GRID1: variants seen among roughly 807,000 people sequenced by gnomAD.
GRID1 encodes the protein glutamate receptor ionotropic, delta-1.
Under a neutral mutation model 98.0 loss-of-function variants are expected in GRID1, and 28 were observed. The observed-to-expected ratio is 0.29, with a 90% CI of 0.21 to 0.39. The LOEUF is 0.39. GRID1 is among the 10% of genes least tolerant of loss of function. GRID1 has a pLI of 1.00. For missense variants in GRID1, 1,111 were observed against 1,340.5 expected, an observed-to-expected ratio of 0.83 and a Z score of 2.67; for synonymous variants, 553 against 538.5, an observed-to-expected ratio of 1.03 and a Z score of -0.37.
At chr10:85,977,205 C>T (rs188586831) in intron 4 of GRID1, among the ~76,000 whole-genome samples, 131 of 152,306 alleles carry the variant, frequency 8.6e-4, no homozygotes, top group Non-Finnish European at 1.2e-3. Flanking sequence ...GTTCCAAAAA[C>T]GCTTAGAAAA....
chr10:85,737,646 A>C (rs1388899138), intron 8 of GRID1, among the ~76,000 whole-genome samples: 87 of 15,268 alleles, frequency 5.7e-3, no homozygotes, highest in African/African-American at 0.029. Flanking sequence ...GTAAAGCCAG[A>C]TATATATATA....
At chr10:85,761,621 T>C (rs1477553851) in intron 8 of GRID1, among the ~76,000 whole-genome samples, 1 of 152,136 alleles carries the variant, frequency 6.6e-6, no homozygotes, top group Non-Finnish European at 1.5e-5. Context: ...GAAGAGGCAA[T>C]GACAAGGAGT....
At chr10:85,929,598 T>C (rs772358752) in intron 4 of GRID1, among the ~76,000 whole-genome samples, 1 of 152,238 alleles carries the variant, frequency 6.6e-6, no homozygotes, top group Non-Finnish European at 1.5e-5. Flanking sequence ...TCAAATGTTT[T>C]AAAAGGGAGA....
chr10:85,771,313 C>T (rs1383315491), intron 8 of GRID1, among the ~76,000 whole-genome samples: 2 of 152,136 alleles, frequency 1.3e-5, no homozygotes, highest in African/African-American at 4.8e-5. Flanking sequence ...GAAAGAGCTC[C>T]TGAAGGAAGC....
At chr10:85,896,954 T>A (rs1403453945) in intron 5 of GRID1, among the ~76,000 whole-genome samples, 2 of 152,140 alleles carry the variant, frequency 1.3e-5, no homozygotes, top group African/African-American at 4.8e-5. Context: ...ATTCCTCCAA[T>A]GACAGAATAC....
chr10:85,617,984 T>C (rs1289761519), intron 14 of GRID1, among the ~76,000 whole-genome samples: 4 of 152,174 alleles, frequency 2.6e-5, no homozygotes, highest in Admixed American at 6.5e-5. Flanking sequence ...CAGCAAGGCT[T>C]ACGATATTGG....
intron 4 of GRID1, among the ~76,000 whole-genome samples, chr10:86,007,949 A>G (rs915944067): frequency 7.9e-5 from 12 of 152,136 alleles, no homozygotes; most frequent in Non-Finnish European, 8.8e-5. Flanking sequence ...TCAAAAGACC[A>G]CAAACGTTTC....
chr10:85,849,009 A>G (rs1843032981), intron 8 of GRID1, among the ~76,000 whole-genome samples: 1 of 152,176 alleles, frequency 6.6e-6, no homozygotes, highest in East Asian at 1.9e-4. Context: ...CTCAGACTAG[A>G]TCCTCCCAGC....
intron 2 of GRID1, among the ~76,000 whole-genome samples, chr10:86,252,083 C>A (rs538832280): frequency 2.0e-5 from 3 of 152,222 alleles, no homozygotes; most frequent in African/African-American, 7.2e-5. Flanking sequence ...AGTTGCTCCA[C>A]TACTAAGTAG....
intron 2 of GRID1, among the ~76,000 whole-genome samples, chr10:86,344,895 T>C (rs1848360624): frequency 6.6e-6 from 1 of 152,172 alleles, no homozygotes; most frequent in South Asian, 2.1e-4. Flanking sequence ...AAACCTGGAA[T>C]ACCTGGGAAG....
chr10:86,303,178 A>G (rs1847714653), intron 2 of GRID1, among the ~76,000 whole-genome samples: 1 of 152,254 alleles, frequency 6.6e-6, no homozygotes, highest in Non-Finnish European at 1.5e-5. Context: ...AGTGTTTAGA[A>G]GTAAAATGCC....
chr10:86,222,456 G>A (rs375177572), intron 2 of GRID1, among the ~76,000 whole-genome samples: 12 of 152,186 alleles, frequency 7.9e-5, no homozygotes, highest in African/African-American at 2.9e-4. Context: ...CAGGTGGGGA[G>A]GAAAAGCGGG....
At chr10:86,215,269 T>C (rs1008011699) in intron 2 of GRID1, among the ~76,000 whole-genome samples, 1 of 152,196 alleles carries the variant, frequency 6.6e-6, no homozygotes, top group African/African-American at 2.4e-5. Flanking sequence ...AATGACGGAC[T>C]GTCGTCCAGG....
intron 12 of GRID1, among the ~76,000 whole-genome samples, chr10:85,693,303 G>C (rs1841354157): frequency 6.6e-6 from 1 of 152,016 alleles, no homozygotes; most frequent in South Asian, 2.1e-4. Flanking sequence ...AAAATATTTG[G>C]GGAGACGGAG....
chr10:86,039,609 G>A (rs1299683384), intron 4 of GRID1, among the ~76,000 whole-genome samples: 1 of 152,202 alleles, frequency 6.6e-6, no homozygotes, highest in African/African-American at 2.4e-5. Flanking sequence ...CCTAACTCTA[G>A]TGGTGGCCAG....
intron 3 of GRID1, 145 bp from the exon 4 acceptor site, chr10:86,139,169 C>G (rs1215727575): frequency 7.7e-6 from 5 of 646,132 alleles, no homozygotes; most frequent in Non-Finnish European, 1.4e-5. Context: ...TTCCCGTAAA[C>G]AGAGGTTGGA....
chr10:85,747,591 C>G (rs189332216), intron 8 of GRID1, among the ~76,000 whole-genome samples: 1 of 152,284 alleles, frequency 6.6e-6, no homozygotes, highest in Admixed American at 6.5e-5. Context: ...AGGAAAATGA[C>G]TCTCATTCAC....
At chr10:86,256,966 C>T (rs1480761008) in intron 2 of GRID1, among the ~76,000 whole-genome samples, 3 of 152,242 alleles carry the variant, frequency 2.0e-5, no homozygotes, top group Non-Finnish European at 4.4e-5. Flanking sequence ...CTCTCAGGCT[C>T]AGCAACACAG....
chr10:85,891,670 C>T (rs967587227), intron 5 of GRID1, among the ~76,000 whole-genome samples: 4 of 152,082 alleles, frequency 2.6e-5, no homozygotes, highest in African/African-American at 9.7e-5. Context: ...TAGCAACAGA[C>T]TAAAGAGATC....
Sources: gnomAD v4.1 joint callset for allele counts (sites outside exome capture counted in the v4.1 genomes callset) on GRCh38, gnomAD v4.1.1 for gene constraint, MANE v1.5 for transcripts, NCBI Gene and HGNC (gene_info 2026-07-23, HGNC 2026-07-21) for gene names.